Variants in RAP1GAP2 observed in about 807,000 individuals in gnomAD.
RAP1GAP2 encodes rap1 GTPase-activating protein 2.
Under a neutral mutation model 95.0 loss-of-function variants are expected in RAP1GAP2, and 27 were observed. The observed-to-expected ratio is 0.28, with a 90% CI of 0.21 to 0.39. The LOEUF (loss-of-function observed/expected upper bound fraction) is 0.39, where lower values mean the gene tolerates loss of function less well. Ranked by LOEUF, RAP1GAP2 falls within the 10% of genes least tolerant of loss-of-function variation. The probability of loss-of-function intolerance (pLI) is 1.00; values close to 1 mark genes in which losing one functional copy is unlikely to be tolerated. For missense variants in RAP1GAP2, 771 were observed against 970.0 expected, an observed-to-expected ratio of 0.79 and a Z score of 2.72; for synonymous variants, 373 against 380.9, an observed-to-expected ratio of 0.98 and a Z score of 0.24.
intron 2 of RAP1GAP2, among the ~76,000 whole-genome samples, chr17:2,835,813 T>A (rs2071102039): frequency 6.6e-6 from 1 of 152,234 alleles, no homozygotes; most frequent in African/African-American, 2.4e-5. Context: ...TTCCTTTTTT[T>A]ATTCCCCAAC....
At chr17:2,813,470 G>A (rs925891824) in intron 2 of RAP1GAP2, among the ~76,000 whole-genome samples, 1 of 152,220 alleles carries the variant, frequency 6.6e-6, no homozygotes, top group African/African-American at 2.4e-5. Context: ...GTCAGTGGTT[G>A]GGCAATGACT....
chr17:2,993,355 C>A (rs561083816), intron 12 of RAP1GAP2, among the ~76,000 whole-genome samples: 4 of 151,804 alleles, frequency 2.6e-5, no homozygotes, highest in Admixed American at 6.6e-5. Flanking sequence ...GGGCAGATCA[C>A]GAGGTCAGGA....
Position 2,817,768 on chromosome 17 carries a change from G to A in RAP1GAP2, c.80+17218G>A, listed in dbSNP as rs370628227. ...ACTCCTGACCTCAGGCAATCCAACTGCCTCAACCTCCCAAAGTGTTAGGAT... is the reference window on the plus strand; with the variant it reads ...ACTCCTGACCTCAGGCAATCCAACTACCTCAACCTCCCAAAGTGTTAGGAT... On this transcript the variant is annotated intron_variant, in intron 2 of 24. Coordinates refer to ENST00000254695, the MANE Select transcript of RAP1GAP2 (RefSeq NM_015085.5). 1.2e-4 allele frequency among the ~76,000 whole-genome samples: 14 copies of A among 121,074 alleles called. 3 individuals are homozygous for A. Among genetic ancestry groups the A allele is most frequent in the African/African-American group, 3.8e-4 (14 of 36,526 alleles). The allele number at this position is 121,074 out of a possible 152,430, so 79.4% of individuals were successfully genotyped here.
At chr17:2,877,547 A>G (rs2073142233) in intron 2 of RAP1GAP2, among the ~76,000 whole-genome samples, 1 of 152,132 alleles carries the variant, frequency 6.6e-6, no homozygotes, top group Non-Finnish European at 1.5e-5. Flanking sequence ...CAGGAGTTCA[A>G]GACCAGCCTG....
rs1336780811 is a variant in RAP1GAP2, at chr17:3,008,408, C to T, written c.1494+263C>T. On this transcript the variant is annotated intron_variant, in intron 17 of 24. Transcript: ENST00000254695. This position sits in a 1 kb window ranked among gnomAD's most constrained non-coding sequence, Gnocchi z 4.2. ...CCTCCGGGCCCAGAAGTCTGTTAAG[C>T]AGGGACAGGTAAAGAGGTAGCAGTA... 6.6e-6 allele frequency among the ~76,000 whole-genome samples: 1 copy of T among 152,202 alleles called. No homozygotes were observed. Among genetic ancestry groups the T allele is most frequent in the Non-Finnish European group, 1.5e-5 (1 of 68,034 alleles).
At chr17:2,865,460 G>A (rs1304170375) in intron 2 of RAP1GAP2, among the ~76,000 whole-genome samples, 2 of 152,192 alleles carry the variant, frequency 1.3e-5, no homozygotes, top group African/African-American at 4.8e-5. Flanking sequence ...CTGGCTGCTG[G>A]CCTCACTAAT....
chr17:2,862,996 C>CAA lies in RAP1GAP2; in HGVS notation c.81-42264_81-42263dup, dbSNP rs1164520490. ...TGGGTGACAAAGCCAGACTCTGTCT[C>CAA]AAAAAAAAAAAAAAAAAAAAAAAAA... On this transcript the variant is annotated intron_variant, in intron 2 of 24. Transcript: ENST00000254695. Among the ~76,000 whole-genome samples, 116 of 48,734 alleles carry CAA rather than the reference C, an allele frequency of 2.4e-3. 1 individual carries two copies. The highest frequency in any genetic ancestry group is 2.8e-3 in the Non-Finnish European group (71 of 25,238). The allele number at this position is 48,734 out of a possible 152,430, so 32.0% of individuals were successfully genotyped here.
intron 3 of RAP1GAP2, among the ~76,000 whole-genome samples, chr17:2,952,314 T>C (rs1015143241): frequency 6.6e-6 from 1 of 152,206 alleles, no homozygotes; most frequent in African/African-American, 2.4e-5. Context: ...TGTCGTTTAT[T>C]GTATGAGTGT....
At chr17:2,989,480 G>A (rs770043414) in intron 11 of RAP1GAP2, among the ~76,000 whole-genome samples, 3 of 151,950 alleles carry the variant, frequency 2.0e-5, no homozygotes, top group Admixed American at 6.6e-5. Flanking sequence ...CTACAGGCAC[G>A]TGCCACTATG....
At chr17:2,978,486 G>A (rs982537542) in intron 8 of RAP1GAP2, among the ~76,000 whole-genome samples, 2 of 152,158 alleles carry the variant, frequency 1.3e-5, no homozygotes, top group African/African-American at 4.8e-5. Context: ...TGGGATGGTG[G>A]AAGATTTCAT....
intron 14 of RAP1GAP2, among the ~76,000 whole-genome samples, chr17:3,001,818 A>G (rs544324118): frequency 1.3e-5 from 2 of 152,316 alleles, no homozygotes; most frequent in African/African-American, 4.8e-5. Flanking sequence ...TCTCTTTCCC[A>G]ATAGGAAATG....
chr17:2,993,927 C>T (rs574108069), intron 12 of RAP1GAP2, among the ~76,000 whole-genome samples: 6 of 151,932 alleles, frequency 3.9e-5, no homozygotes, highest in Admixed American at 1.3e-4. Context: ...CTCCTGTGGT[C>T]CCCGCTACTT....
chr17:2,900,473 C>T (rs572162652), intron 2 of RAP1GAP2, among the ~76,000 whole-genome samples: 1 of 151,990 alleles, frequency 6.6e-6, no homozygotes, highest in Non-Finnish European at 1.5e-5. Flanking sequence ...CGGAGTTTCG[C>T]TCTTGTTGCC....
intron 10 of RAP1GAP2, among the ~76,000 whole-genome samples, chr17:2,981,717 T>C (rs982165033): frequency 1.3e-5 from 2 of 152,178 alleles, no homozygotes; most frequent in Non-Finnish European, 2.9e-5. Context: ...CTCTGCTGCC[T>C]TCATTTATAA....
chr17:2,756,183 C>G (rs1301489917), intron 1 of RAP1GAP2, among the ~76,000 whole-genome samples: 2 of 152,232 alleles, frequency 1.3e-5, no homozygotes, highest in Non-Finnish European at 2.9e-5. Context: ...ACTTGGGCCC[C>G]GAGAAGGCAC....
At chr17:2,886,153 G>A (rs1381977486) in intron 2 of RAP1GAP2, among the ~76,000 whole-genome samples, 1 of 108,772 alleles carries the variant, frequency 9.2e-6, no homozygotes, top group African/African-American at 4.1e-5. Context: ...GTGTGTGTGT[G>A]TGTGTGTGTA....
At chr17:2,896,168 C>T (rs1288447875) in intron 2 of RAP1GAP2, among the ~76,000 whole-genome samples, 1 of 152,170 alleles carries the variant, frequency 6.6e-6, no homozygotes, top group Non-Finnish European at 1.5e-5. Flanking sequence ...CCCATGACCC[C>T]ACAGTCCATG....
rs1261190999 is a variant in RAP1GAP2 at position 2,825,525 on chromosome 17, G to A, written c.80+24975G>A. 6.6e-6 allele frequency among the ~76,000 whole-genome samples: 1 copy of A among 152,084 alleles called. No homozygotes were observed. The highest frequency in any genetic ancestry group is 2.4e-5 in the African/African-American group (1 of 41,422). On this transcript the variant is annotated intron_variant, in intron 2 of 24. Transcript: ENST00000254695. This position sits in a 1 kb window ranked among gnomAD's most constrained non-coding sequence, Gnocchi z 4.1. ...CCAGCCGCCTCTGTTTTAGGAGCCG[G>A]GGATCCCTTTGTTGAATCCTGGCTC...
chr17:2,852,917 G>T (rs1246243780), intron 2 of RAP1GAP2, among the ~76,000 whole-genome samples: 1 of 152,198 alleles, frequency 6.6e-6, no homozygotes, highest in Non-Finnish European at 1.5e-5. Flanking sequence ...CTTTCCGAAG[G>T]AGATGAGGCT....
Sources: allele counts gnomAD v4.1 joint callset (sites outside exome capture counted in the v4.1 genomes callset), GRCh38; gene constraint gnomAD v4.1.1; non-coding constraint Gnocchi (gnomAD v3.1); transcripts MANE v1.5; gene names NCBI Gene and HGNC (gene_info 2026-07-23, HGNC 2026-07-21).